VPS13B: variants seen among roughly 807,000 people sequenced by gnomAD.
VPS13B encodes vacuolar protein sorting 13 homolog B.
A neutral mutation model predicts 426.4 loss-of-function variants in VPS13B; 285 were observed. The ratio of observed to expected loss-of-function variants is 0.67; its 90% CI spans 0.61 to 0.74. The LOEUF is 0.74. Among genes scored for constraint, VPS13B ranks in the 30% least tolerant of loss-of-function variants. VPS13B has a pLI of 0.00. For synonymous variants in VPS13B, 1,676 were observed against 1,676.4 expected, an observed-to-expected ratio of 1.00 and a Z score of 0.01; for missense variants, 4,537 against 4,782.6, an observed-to-expected ratio of 0.95 and a Z score of 1.51.
intron 24 of VPS13B, among the ~76,000 whole-genome samples, chr8:99,475,269 G>T (rs1233954263): frequency 6.6e-6 from 1 of 152,152 alleles, no homozygotes; most frequent in Non-Finnish European, 1.5e-5. Flanking sequence ...GATATTTTTG[G>T]AAGATACAGA....
chr8:99,261,296 G>A (rs1175309831), intron 17 of VPS13B, among the ~76,000 whole-genome samples: 1 of 152,016 alleles, frequency 6.6e-6, no homozygotes, highest in Non-Finnish European at 1.5e-5. Flanking sequence ...TCCCCCACCA[G>A]CCAAACCCTA....
intron 17 of VPS13B, among the ~76,000 whole-genome samples, chr8:99,252,629 G>A (rs1397115741): frequency 1.3e-5 from 2 of 151,960 alleles, no homozygotes; most frequent in Non-Finnish European, 2.9e-5. Flanking sequence ...AGAGGGTATC[G>A]AAGTCTCCAA....
At chr8:99,362,833 G>C (rs551867064) in intron 19 of VPS13B, among the ~76,000 whole-genome samples, 3 of 152,280 alleles carry the variant, frequency 2.0e-5, no homozygotes, top group African/African-American at 7.2e-5. Flanking sequence ...TTTATACCTA[G>C]CAGTGGGATT....
chr8:99,809,162 T>C (rs941886614), intron 43 of VPS13B, among the ~76,000 whole-genome samples: 1 of 152,210 alleles, frequency 6.6e-6, no homozygotes, highest in African/African-American at 2.4e-5. Flanking sequence ...AGGTTTAAAA[T>C]GTGATCTGAA....
intron 24 of VPS13B, among the ~76,000 whole-genome samples, chr8:99,476,152 A>G (rs950450339): frequency 6.6e-6 from 1 of 152,246 alleles, no homozygotes; most frequent in Non-Finnish European, 1.5e-5. Context: ...GCAAATTGGT[A>G]TGAACATCCC....
rs776781464 is a variant in VPS13B at position 99,875,564 on chromosome 8, T to TGTTA, written c.11893_11896dup (p.Lys3966SerfsTer2). 1 of 1,614,206 alleles carries TGTTA rather than the reference T, an allele frequency of 6.2e-7. No individual in the cohort carries two copies. The highest frequency in any genetic ancestry group is 8.5e-7 in the Non-Finnish European group (1 of 1,180,034). ...TGGCTGCAGAACCTCCCCCCTCCAC[T>TGTTA]GTTAAAACATACCATTACCTGGTTG... On this transcript the variant is annotated frameshift_variant, in exon 62 of 62. Transcript: ENST00000357162. LOFTEE classifies it high-confidence loss of function.
intron 21 of VPS13B, among the ~76,000 whole-genome samples, chr8:99,406,121 T>TA (rs1815315618): frequency 6.6e-6 from 1 of 151,944 alleles, no homozygotes; most frequent in Admixed American, 6.6e-5. Context: ...AGATGATCAA[T>TA]AAAAAAACTT....
chr8:99,581,756 A>C (rs182128159), intron 33 of VPS13B, among the ~76,000 whole-genome samples: 1 of 152,346 alleles, frequency 6.6e-6, no homozygotes. Flanking sequence ...CCAATTAAGG[A>C]TACTCAACCT....
intron 36 of VPS13B, among the ~76,000 whole-genome samples, chr8:99,703,534 T>C (rs1832371970): frequency 6.6e-6 from 1 of 152,168 alleles, no homozygotes; most frequent in African/African-American, 2.4e-5. Flanking sequence ...CTTTAGAAAT[T>C]ATATCATATA....
Position 99,391,647 on chromosome 8 carries a change from C to CAATCATATCAGGCCTCTGA in VPS13B, c.3027_3045dup (p.Tyr1016IlefsTer6), listed in dbSNP as rs1057516670. On this transcript the variant is annotated frameshift_variant, in exon 21 of 62. Transcript: ENST00000357162. LOFTEE classifies it high-confidence loss of function. ...TGGAAGTGCCCCCTTGGCAAAGCAG[C>CAATCATATCAGGCCTCTGA]AATCATATCAGGCCTCTGAATATGC... 3.4e-5 allele frequency: 55 copies of CAATCATATCAGGCCTCTGA among 1,614,048 alleles called. No homozygotes were observed. Among genetic ancestry groups the CAATCATATCAGGCCTCTGA allele is most frequent in the Non-Finnish European group, 4.6e-5 (54 of 1,180,036 alleles).
At chr8:99,137,531 TA>T (rs370122219) in intron 12 of VPS13B, among the ~76,000 whole-genome samples, 1,385 of 136,826 alleles carry the variant, frequency 0.01, 3 homozygotes, top group Non-Finnish European at 0.012. Context: ...GAAGTGTGGG[TA>T]AAAAAAAAAA....
chr8:99,425,296 C>A (rs1319871389), intron 21 of VPS13B, among the ~76,000 whole-genome samples: 1 of 152,192 alleles, frequency 6.6e-6, no homozygotes, highest in Non-Finnish European at 1.5e-5. Flanking sequence ...CCCTGATGAA[C>A]ATCGATGCAA....
At chr8:99,769,239 T>C (rs373838492) in intron 40 of VPS13B, among the ~76,000 whole-genome samples, 15 of 152,326 alleles carry the variant, frequency 9.8e-5, no homozygotes, top group African/African-American at 3.6e-4. Flanking sequence ...CTAATCATTT[T>C]TCAGATAGAA....
chr8:99,193,111 T>A lies in VPS13B; in HGVS notation c.2515+54T>A, dbSNP rs74524081. On this transcript the variant is annotated intron_variant, in intron 17 of 61. Coordinates refer to ENST00000357162, the MANE Select transcript of VPS13B (RefSeq NM_152564.5). Reference sequence around the variant, plus strand: ...ATGGAAAATTTGTGTTAGAGGCAACTAATATTTTATTATGAAAATCCATAT... The same window carrying A: ...ATGGAAAATTTGTGTTAGAGGCAACAAATATTTTATTATGAAAATCCATAT... 3,580 of 1,550,700 alleles carry A rather than the reference T, an allele frequency of 2.3e-3. 62 individuals carry two copies. The African/African-American group carries it at 0.041, about 18-fold the overall frequency.
At chr8:99,416,287 C>T (rs1240326089) in intron 21 of VPS13B, among the ~76,000 whole-genome samples, 2 of 152,180 alleles carry the variant, frequency 1.3e-5, no homozygotes, top group Non-Finnish European at 2.9e-5. Context: ...TCCAGAGTTC[C>T]AGCTTGACTT....
chr8:99,244,673 ATAGT>A (rs1161824389), intron 17 of VPS13B, among the ~76,000 whole-genome samples: 2 of 152,230 alleles, frequency 1.3e-5, no homozygotes, highest in African/African-American at 4.8e-5. Flanking sequence ...ATTTTAGAAG[ATAGT>A]TCTATAATAA....
intron 35 of VPS13B, among the ~76,000 whole-genome samples, chr8:99,695,588 A>T (rs1171425653): frequency 2.1e-5 from 3 of 143,522 alleles, no homozygotes; most frequent in Non-Finnish European, 3.1e-5. Context: ...TGGGAGATAT[A>T]CCTAATGCTA....
chr8:99,121,503 T>C (rs771076828), intron 8 of VPS13B, 58 bp downstream of exon 8: 3 of 1,604,492 alleles, frequency 1.9e-6, no homozygotes. Context: ...AAATTTGGAT[T>C]GTTAGTACAA....
chr8:99,576,124 AT>A (rs1227688792), intron 32 of VPS13B, among the ~76,000 whole-genome samples: 1 of 152,166 alleles, frequency 6.6e-6, no homozygotes, highest in Non-Finnish European at 1.5e-5. Flanking sequence ...TGCCCTCTAG[AT>A]TGTCATAAGG....
Sources: gnomAD v4.1 joint callset for allele counts (sites outside exome capture counted in the v4.1 genomes callset) on GRCh38, gnomAD v4.1.1 for gene constraint, MANE v1.5 for transcripts, NCBI Gene and HGNC (gene_info 2026-07-23, HGNC 2026-07-21) for gene names.